CADPS2: variants seen among roughly 807,000 people sequenced by gnomAD.
The protein encoded by CADPS2 is calcium dependent secretion activator 2.
In CADPS2, 93 loss-of-function variants were observed where a neutral mutation model predicts 172.5. That is an observed-to-expected ratio of 0.54 (90% CI 0.46 to 0.64). The LOEUF is 0.64. Ranked by LOEUF, CADPS2 falls within the 30% of genes least tolerant of loss-of-function variation. The pLI is 0.00. For missense variants in CADPS2, 1,420 were observed against 1,565.9 expected, an observed-to-expected ratio of 0.91 and a Z score of 1.57; for synonymous variants, 546 against 555.2, an observed-to-expected ratio of 0.98 and a Z score of 0.23.
At chr7:122,527,845 G>T (rs1468318757) in intron 8 of CADPS2, among the ~76,000 whole-genome samples, 5 of 151,952 alleles carry the variant, frequency 3.3e-5, no homozygotes, top group Admixed American at 3.3e-4. Context: ...GCAAGTATTG[G>T]GAATGGAGAA....
intron 2 of CADPS2, among the ~76,000 whole-genome samples, chr7:122,673,586 A>G (rs922025466): frequency 6.6e-6 from 1 of 151,958 alleles, no homozygotes; most frequent in African/African-American, 2.4e-5. Flanking sequence ...GCTAGACATA[A>G]AAGTTCTCCA....
chr7:122,441,712 G>A (rs2051378047), intron 15 of CADPS2, 137 bp from the exon 16 acceptor site: 3 of 476,052 alleles, frequency 6.3e-6, no homozygotes, highest in Non-Finnish European at 1.1e-5. Flanking sequence ...ACTCATCCAG[G>A]GAAATTTTAA....
intron 2 of CADPS2, among the ~76,000 whole-genome samples, chr7:122,680,948 C>G (rs2135801936): frequency 6.6e-6 from 1 of 151,592 alleles, no homozygotes; most frequent in East Asian, 1.9e-4. Context: ...ACTATGCAGC[C>G]ATACAAAATG....
intron 1 of CADPS2, among the ~76,000 whole-genome samples, chr7:122,747,635 T>C (rs915990474): frequency 6.6e-6 from 1 of 152,104 alleles, no homozygotes; most frequent in Non-Finnish European, 1.5e-5. Flanking sequence ...ATGAAGAAGC[T>C]AAAGCCCAGA....
At chr7:122,785,493 C>T (rs1272674546) in intron 1 of CADPS2, among the ~76,000 whole-genome samples, 1 of 152,098 alleles carries the variant, frequency 6.6e-6, no homozygotes, top group African/African-American at 2.4e-5. Context: ...TATGTAAATA[C>T]CCCAGGTGAA....
intron 4 of CADPS2, 129 bp downstream of exon 4, chr7:122,629,119 G>A: frequency 1.7e-6 from 1 of 603,822 alleles, no homozygotes; most frequent in Non-Finnish European, 2.8e-6. Context: ...AGAGGTCTAT[G>A]TGTAGAGGAG....
intron 2 of CADPS2, among the ~76,000 whole-genome samples, chr7:122,672,961 C>T (rs1463379429): frequency 1.3e-5 from 2 of 152,116 alleles, no homozygotes; most frequent in Non-Finnish European, 1.5e-5. Context: ...CAGATGTGTC[C>T]GGAGTTTCTT....
chr7:122,477,019 AGAGG>A (rs1485209837), intron 12 of CADPS2, among the ~76,000 whole-genome samples: 1 of 105,406 alleles, frequency 9.5e-6, no homozygotes, highest in Non-Finnish European at 1.9e-5. Context: ...AGAGGAGAGG[AGAGG>A]AGAGGAGAGG....
At chr7:122,868,453 C>T (rs184885913) in intron 1 of CADPS2, among the ~76,000 whole-genome samples, 1 of 152,264 alleles carries the variant, frequency 6.6e-6, no homozygotes, top group African/African-American at 2.4e-5. Flanking sequence ...TCTCAAGAGG[C>T]TGTCTTCTCT....
intron 1 of CADPS2, among the ~76,000 whole-genome samples, chr7:122,759,306 C>A (rs2093292702): frequency 6.6e-6 from 1 of 152,030 alleles, no homozygotes; most frequent in African/African-American, 2.4e-5. Context: ...GGCATATACT[C>A]TTAAGAGTAA....
chr7:122,476,793 A>G (rs2056665998), intron 12 of CADPS2, among the ~76,000 whole-genome samples: 1 of 152,172 alleles, frequency 6.6e-6, no homozygotes, highest in Non-Finnish European at 1.5e-5. Context: ...TTCTATTTTT[A>G]AAACACAGGC....
At chr7:122,322,122 T>C (rs1192776347) in intron 29 of CADPS2, among the ~76,000 whole-genome samples, 3 of 152,236 alleles carry the variant, frequency 2.0e-5, no homozygotes, top group Non-Finnish European at 2.9e-5. Flanking sequence ...TTTATTCCTA[T>C]AACTCTCTTG....
chr7:122,681,739 T>C, intron 2 of CADPS2: 1 of 546,468 alleles, frequency 1.8e-6, no homozygotes, highest in Non-Finnish European at 3.1e-6. Context: ...AAAATAATAA[T>C]AATAATAAAA....
chr7:122,645,363 ACATGTATACACACATATGTACATGTGTG>A, intron 3 of CADPS2, among the ~76,000 whole-genome samples: 1 of 106,012 alleles, frequency 9.4e-6, no homozygotes, highest in Non-Finnish European at 2.2e-5. Flanking sequence ...GTATACATGT[ACATGTATACACACATATGTACATGTGTG>A]TGTATATATG....
At chr7:122,714,947 A>C (rs534910473) in intron 2 of CADPS2, among the ~76,000 whole-genome samples, 1 of 152,198 alleles carries the variant, frequency 6.6e-6, no homozygotes, top group Non-Finnish European at 1.5e-5. Flanking sequence ...TAATTGGTTA[A>C]ACGTCATACA....
intron 8 of CADPS2, among the ~76,000 whole-genome samples, chr7:122,515,382 CTCTT>C (rs1272978434): frequency 1.3e-5 from 2 of 152,106 alleles, no homozygotes; most frequent in African/African-American, 2.4e-5. Context: ...TTTAGTTGCT[CTCTT>C]TCTGTCTTTC....
chr7:122,394,701 G>C (rs2044828933), intron 20 of CADPS2, among the ~76,000 whole-genome samples: 1 of 152,064 alleles, frequency 6.6e-6, no homozygotes, highest in Non-Finnish European at 1.5e-5. Flanking sequence ...ACTGAGGGAG[G>C]GGGAGGGGCA....
intron 1 of CADPS2, among the ~76,000 whole-genome samples, chr7:122,756,680 C>A (rs924637316): frequency 6.6e-6 from 1 of 152,148 alleles, no homozygotes; most frequent in African/African-American, 2.4e-5. Context: ...GGGTGCATCA[C>A]CTGAGGTCAG....
intron 3 of CADPS2, among the ~76,000 whole-genome samples, chr7:122,633,088 G>A (rs1479562918): frequency 6.6e-6 from 1 of 152,056 alleles, no homozygotes; most frequent in Non-Finnish European, 1.5e-5. Flanking sequence ...ATGCTGTTTT[G>A]GTTACTTTAG....
Sources: allele counts gnomAD v4.1 joint callset (sites outside exome capture counted in the v4.1 genomes callset), GRCh38; gene constraint gnomAD v4.1.1; transcripts MANE v1.5; gene names NCBI Gene and HGNC (gene_info 2026-07-23, HGNC 2026-07-21).